The following KPNA1 variants were observed in gnomAD, a reference collection of about 807,000 sequenced individuals.
KPNA1 encodes the protein importin subunit alpha-5.
A neutral mutation model predicts 70.5 loss-of-function variants in KPNA1; 10 were observed. That is an observed-to-expected ratio of 0.14 (90% CI 0.09 to 0.24). KPNA1 has a LOEUF of 0.24. Ranked by LOEUF, KPNA1 falls within the 10% of genes least tolerant of loss-of-function variation. The pLI, the probability that KPNA1 is intolerant of heterozygous loss-of-function variation, is 1.00. For synonymous variants in KPNA1, 192 were observed against 221.9 expected (o/e 0.87, Z 1.20); for missense variants, 397 against 637.9 (o/e 0.62, Z 4.07).
chr3:122,452,579 A>AGGG, intron 6 of KPNA1, among the ~76,000 whole-genome samples: 1 of 33,666 alleles, frequency 3.0e-5, no homozygotes, highest in African/African-American at 1.3e-4. Context: ...GGAGGGAAGG[A>AGGG]AGGAAGGAAG....
intron 5 of KPNA1, among the ~76,000 whole-genome samples, chr3:122,458,159 C>A (rs879334327): frequency 1.3e-5 from 2 of 152,104 alleles, no homozygotes; most frequent in Non-Finnish European, 2.9e-5. Flanking sequence ...TTATAAACTT[C>A]TATAAGAAAG....
chr3:122,459,836 CA>C, intron 5 of KPNA1: 1 of 985,184 alleles, frequency 1.0e-6, no homozygotes, highest in Non-Finnish European at 1.2e-6. Context: ...GAGTGTAAAA[CA>C]AAGAGAAAGA....
At chr3:122,437,518 A>G (rs1450147926) in intron 10 of KPNA1, among the ~76,000 whole-genome samples, 2 of 152,240 alleles carry the variant, frequency 1.3e-5, no homozygotes, top group Non-Finnish European at 2.9e-5. Flanking sequence ...ACTGTACTTA[A>G]TAAGATACAA....
chr3:122,436,597 C>T (rs1166520340), intron 11 of KPNA1, among the ~76,000 whole-genome samples: 2 of 152,106 alleles, frequency 1.3e-5, no homozygotes, highest in African/African-American at 4.8e-5. Flanking sequence ...AGGTGGTTCC[C>T]CTGATAACTA....
chr3:122,447,577 G>A (rs2076153848), intron 9 of KPNA1, among the ~76,000 whole-genome samples: 1 of 152,134 alleles, frequency 6.6e-6, no homozygotes, highest in South Asian at 2.1e-4. Context: ...TACTGAATGG[G>A]CAAAAACTGG....
chr3:122,472,695 TAACAAA>T (rs2076455745), intron 2 of KPNA1, among the ~76,000 whole-genome samples: 1 of 152,094 alleles, frequency 6.6e-6, no homozygotes, highest in Non-Finnish European at 1.5e-5. Flanking sequence ...CCAAGTAGAC[TAACAAA>T]AAGACAGAGG....
At chr3:122,501,006 A>C (rs1258572779) in intron 1 of KPNA1, among the ~76,000 whole-genome samples, 10 of 144,522 alleles carry the variant, frequency 6.9e-5, no homozygotes, top group African/African-American at 2.5e-4. Flanking sequence ...CTGATTTGAG[A>C]TCTTTCTTCT....
Position 122,427,683 on chromosome 3 carries a change from G to A in KPNA1, c.1284C>T (p.Leu428=), listed in dbSNP as rs2075839754. ...YLVELGCIKP[L]CDLLTVMDSK... ...AGTCCATGACCGTGAGGAGATCACA[G>A]AGCGGCTTGATACAACCCAGTTCTA... is the stretch of plus-strand genomic sequence containing the variant. Residue 428 remains leucine, a synonymous_variant, in exon 13 of 14, where the codon CTC becomes CTT. Transcript: ENST00000344337. 4 of 1,611,204 alleles carry A rather than the reference G, an allele frequency of 2.5e-6. No individual in the cohort carries two copies. Among genetic ancestry groups the A allele is most frequent in the African/African-American group, 1.3e-5 (1 of 74,840 alleles).
chr3:122,481,451 T>C (rs140914537), intron 2 of KPNA1, among the ~76,000 whole-genome samples: 8 of 152,334 alleles, frequency 5.3e-5, no homozygotes, highest in South Asian at 4.1e-4. Context: ...ATTCCACTTA[T>C]ATGAAATGTC....
intron 2 of KPNA1, among the ~76,000 whole-genome samples, chr3:122,491,789 T>A (rs555690335): frequency 8.6e-6 from 1 of 115,630 alleles, no homozygotes; most frequent in African/African-American, 2.9e-5. Flanking sequence ...ATAATCAATA[T>A]CATTTAATCG....
chr3:122,468,241 A>T (rs1380016922), intron 2 of KPNA1, among the ~76,000 whole-genome samples: 1 of 152,232 alleles, frequency 6.6e-6, no homozygotes, highest in African/African-American at 2.4e-5. Context: ...CAGTGCAGGA[A>T]AGGTAAACTC....
At chr3:122,480,919 C>T (rs1016594143) in intron 2 of KPNA1, among the ~76,000 whole-genome samples, 1 of 152,052 alleles carries the variant, frequency 6.6e-6, no homozygotes, top group African/African-American at 2.4e-5. Flanking sequence ...ACCCTGGGAG[C>T]TCAAAGCTGC....
In KPNA1 at chr3:122,431,907, G is replaced by A. The variant is rs1312292386; in HGVS notation, c.1250+1754C>T. Among the ~76,000 whole-genome samples the A allele has an allele frequency of 2.0e-5, 3 of 151,612 alleles. No homozygotes were observed. The East Asian group carries it at 5.8e-4, about 29-fold the overall frequency. On this transcript the variant is annotated intron_variant, in intron 12 of 13. Coordinates refer to ENST00000344337, the MANE Select transcript of KPNA1 (RefSeq NM_002264.4). ...CAACCTCTGCCTCCCGGGTTCAAGC[G>A]ATTCTCCAGTCTCAGCCCCACAAGT...
At chr3:122,437,102 G>A (rs1046915320) in intron 11 of KPNA1, 68 bp downstream of exon 11, 1 of 1,527,818 alleles carries the variant, frequency 6.5e-7, no homozygotes, top group Non-Finnish European at 9.0e-7. Flanking sequence ...GTTTTAAAGG[G>A]TGACTGAGAA....
chr3:122,491,509 A>G (rs1322231139), intron 2 of KPNA1, among the ~76,000 whole-genome samples: 1 of 152,260 alleles, frequency 6.6e-6, no homozygotes, highest in Non-Finnish European at 1.5e-5. Context: ...GCAAACTGAC[A>G]AACATGCAAC....
In KPNA1 at chr3:122,485,907, A is replaced by C. The variant is rs372813062; in HGVS notation, c.129+10530T>G. On this transcript the variant is annotated intron_variant, in intron 2 of 13. Transcript: ENST00000344337. ...GCTTACAACTTTATTTATTAGGTGAATGAAAACTGAAACCATCATGGAGTA... is the reference window on the plus strand; with the variant it reads ...GCTTACAACTTTATTTATTAGGTGACTGAAAACTGAAACCATCATGGAGTA... Among the ~76,000 whole-genome samples, 8 of 152,242 alleles carry C rather than the reference A, an allele frequency of 5.3e-5. No individual in the cohort carries two copies. The East Asian group carries it at 1.3e-3, about 26-fold the overall frequency.
intron 1 of KPNA1, among the ~76,000 whole-genome samples, chr3:122,500,058 C>T (rs1298303032): frequency 1.3e-5 from 2 of 152,090 alleles, no homozygotes; most frequent in Non-Finnish European, 2.9e-5. Flanking sequence ...TTTTGTCTTT[C>T]CAAAAATTTG....
intron 10 of KPNA1, among the ~76,000 whole-genome samples, chr3:122,439,408 TG>T (rs2076033995): frequency 6.6e-6 from 1 of 152,110 alleles, no homozygotes; most frequent in Non-Finnish European, 1.5e-5. Flanking sequence ...TGGGCTGGTT[TG>T]GAACTCCTGG....
chr3:122,507,757 TA>T (rs769610393), intron 1 of KPNA1, among the ~76,000 whole-genome samples: 1,140 of 142,742 alleles, frequency 8.0e-3, no homozygotes, highest in African/African-American at 7.9e-3. Flanking sequence ...TTTGGGGGGT[TA>T]AAAAAAAAAA....
Sources: allele counts gnomAD v4.1 joint callset (sites outside exome capture counted in the v4.1 genomes callset), GRCh38; gene constraint gnomAD v4.1.1; transcripts MANE v1.5; gene names NCBI Gene and HGNC (gene_info 2026-07-23, HGNC 2026-07-21).